Variants in G3BP1 observed in about 807,000 individuals in gnomAD.
The protein encoded by G3BP1 is ras GTPase-activating protein-binding protein 1.
A neutral mutation model predicts 58.6 loss-of-function variants in G3BP1; 35 were observed. The observed-to-expected ratio is 0.60, with a 90% confidence interval of 0.46 to 0.79. G3BP1 has a LOEUF of 0.79. Among genes scored for constraint, G3BP1 ranks in the 30% least tolerant of loss-of-function variants. The pLI is 0.00. For missense variants in G3BP1, 523 were observed against 580.8 expected (o/e 0.90, Z 1.02); for synonymous variants, 191 against 195.4 (o/e 0.98, Z 0.19).
chr5:151,788,570 A>ATGTGTG (rs201430384), intron 2 of G3BP1, among the ~76,000 whole-genome samples: 4,717 of 92,800 alleles, frequency 0.051, 145 homozygotes, highest in South Asian at 0.12. Flanking sequence ...AGCTAAGTTT[A>ATGTGTG]TATGTGTGTG....
Position 151,781,321 on chromosome 5 carries a change from T to C in G3BP1, c.-49-5251T>C, listed in dbSNP as rs192368202. ...AGTTATAACTGCATAAAATGAACTT[T>C]AGTATATACTGTACTATAATTTTTT... is the stretch of plus-strand genomic sequence containing the variant. On this transcript the variant is annotated intron_variant, in intron 1 of 11. Transcript: ENST00000356245. Among the ~76,000 whole-genome samples the C allele has an allele frequency of 1.7e-3, 263 of 152,372 alleles. 1 individual carries two copies. The highest frequency in any genetic ancestry group is 3.4e-3 in the Middle Eastern group (1 of 294).
At chr5:151,801,964 G>A (rs780543960) in intron 11 of G3BP1, among the ~76,000 whole-genome samples, 28 of 151,856 alleles carry the variant, frequency 1.8e-4, no homozygotes, top group Non-Finnish European at 3.4e-4. Flanking sequence ...ACAGGCACCC[G>A]CCACCATGCC....
At chr5:151,803,500 T>G (rs1480301220) in intron 11 of G3BP1, among the ~76,000 whole-genome samples, 3 of 151,298 alleles carry the variant, frequency 2.0e-5, no homozygotes, top group Non-Finnish European at 4.4e-5. Flanking sequence ...TGCTGGTTCT[T>G]TTTTTTTTCT....
Position 151,807,405 on chromosome 5 carries a change from C to T in G3BP1, c.*3314C>T, listed in dbSNP as rs1376048254. ...AGCATAGACCGCAATGAACTTCCTA[C>T]TGTAGGGAGACTTGAGTCTGGAATA... On this transcript the variant is annotated 3_prime_UTR_variant, in exon 12 of 12. Coordinates refer to ENST00000356245, the MANE Select transcript of G3BP1 (RefSeq NM_005754.3). 6.6e-6 allele frequency: 1 copy of T among 152,170 alleles called. No homozygotes were observed. Among genetic ancestry groups the T allele is most frequent in the Non-Finnish European group, 1.5e-5 (1 of 68,024 alleles). 9.4% of individuals were successfully genotyped at this position (152,170 alleles called of 1,614,324 possible).
intron 1 of G3BP1, among the ~76,000 whole-genome samples, chr5:151,774,802 TC>T (rs2113212382): frequency 6.6e-6 from 1 of 152,160 alleles, no homozygotes; most frequent in South Asian, 2.1e-4. Flanking sequence ...GTACTGCCCT[TC>T]CAGTACTCCA....
intron 8 of G3BP1, 91 bp from the exon 9 acceptor site, chr5:151,799,798 G>A (rs1762819018): frequency 2.8e-6 from 2 of 709,030 alleles, no homozygotes; most frequent in African/African-American, 1.8e-5. Flanking sequence ...TGTCCATTTT[G>A]TAGTTTAAAA....
rs1042429101 is a variant in G3BP1 at position 151,812,139 on chromosome 5, C to G, written c.*8048C>G. 6.6e-6 allele frequency: 1 copy of G among 152,182 alleles called. No individual in the cohort carries two copies. The highest frequency in any genetic ancestry group is 1.5e-5 in the Non-Finnish European group (1 of 68,026). 9.4% of individuals were successfully genotyped at this position (152,182 alleles called of 1,614,324 possible). A position where few individuals can be genotyped will look rare whatever the true frequency, so the allele number is the denominator to read the frequency against. On this transcript the variant is annotated 3_prime_UTR_variant, in exon 12 of 12. Transcript: ENST00000356245. ...CAGCTAAGCACATTTTCTACATCCC[C>G]AAAGTATTTGGAATCACAGCATTGT... is the stretch of plus-strand genomic sequence containing the variant.
rs1211577930 is a variant in G3BP1 at position 151,811,373 on chromosome 5, G to A, written c.*7282G>A. Reference sequence around the variant, plus strand: ...ATGAACAAATGAATTCTCATTTCTCGACATAAAGCCTTGTCTAAAGTGAGA... The same window carrying A: ...ATGAACAAATGAATTCTCATTTCTCAACATAAAGCCTTGTCTAAAGTGAGA... On this transcript the variant is annotated 3_prime_UTR_variant, in exon 12 of 12. Transcript: ENST00000356245. 2.0e-5 allele frequency: 3 copies of A among 152,202 alleles called. No individual in the cohort carries two copies. In the East Asian group the frequency reaches 5.8e-4, roughly 29 times the overall value. 9.4% of individuals were successfully genotyped at this position (152,202 alleles called of 1,614,324 possible).
intron 2 of G3BP1, among the ~76,000 whole-genome samples, chr5:151,788,816 T>C (rs920445798): frequency 5.9e-5 from 9 of 151,482 alleles, no homozygotes; most frequent in African/African-American, 1.9e-4. Context: ...TTGCTCTTGT[T>C]GACCAGGCTG....
chr5:151,778,722 A>G (rs1055762620), intron 1 of G3BP1, among the ~76,000 whole-genome samples: 9 of 148,114 alleles, frequency 6.1e-5, no homozygotes, highest in Admixed American at 4.0e-4. Flanking sequence ...GATTACAGGC[A>G]TGAGAGTACT....
intron 2 of G3BP1, chr5:151,787,136 G>A (rs1199876436): frequency 1.3e-5 from 2 of 152,972 alleles, no homozygotes; most frequent in South Asian, 2.1e-4. Context: ...TGGGATTACA[G>A]GCGTGAGCCA....
At chr5:151,773,282 G>T (rs1365014487) in intron 1 of G3BP1, among the ~76,000 whole-genome samples, 1 of 152,088 alleles carries the variant, frequency 6.6e-6, no homozygotes, top group Non-Finnish European at 1.5e-5. Context: ...AGCATCTGTG[G>T]GTTAAAATAC....
At chr5:151,794,526 A>G (rs965119352) in intron 5 of G3BP1, among the ~76,000 whole-genome samples, 4 of 152,204 alleles carry the variant, frequency 2.6e-5, no homozygotes, top group African/African-American at 9.6e-5. Flanking sequence ...ACATTTACCA[A>G]TAGGATGTCA....
chr5:151,798,047 T>G (rs535269753), intron 7 of G3BP1, among the ~76,000 whole-genome samples: 1 of 152,344 alleles, frequency 6.6e-6, no homozygotes, highest in African/African-American at 2.4e-5. Flanking sequence ...GTCATTTGTT[T>G]GTTCAATAAT....
intron 1 of G3BP1, among the ~76,000 whole-genome samples, chr5:151,774,768 G>C (rs1276805471): frequency 6.6e-6 from 1 of 151,350 alleles, no homozygotes; most frequent in Non-Finnish European, 1.5e-5. Flanking sequence ...TCAAAAGCAA[G>C]TGGGAAAAAT....
rs770384260 is a variant in G3BP1, at chr5:151,799,940, C to T, written c.895C>T (p.Arg299Trp). 17 of 1,613,372 alleles carry T rather than the reference C, an allele frequency of 1.1e-5. No homozygotes were observed. Among genetic ancestry groups the T allele is most frequent in the Admixed American group, 3.3e-5 (2 of 60,000 alleles). ...TCAGATTCCACCACAAAGACCTCAGCGGGATCAAAGAGTGCGAGAACAACG... is the reference window on the plus strand; with the variant it reads ...TCAGATTCCACCACAAAGACCTCAGTGGGATCAAAGAGTGCGAGAACAACG... Reference protein sequence around the residue: ...ESQIPPQRPQRDQRVREQRIN... With the variant: ...ESQIPPQRPQWDQRVREQRIN... Residue 299 changes from arginine to tryptophan, a missense_variant, in exon 9 of 12, where the codon CGG becomes TGG. Coordinates refer to ENST00000356245, the MANE Select transcript of G3BP1 (RefSeq NM_005754.3).
chr5:151,777,338 T>C (rs1301556106), intron 1 of G3BP1, among the ~76,000 whole-genome samples: 2 of 152,256 alleles, frequency 1.3e-5, no homozygotes, highest in Non-Finnish European at 1.5e-5. Flanking sequence ...TTGCTGTTTT[T>C]CCTTGGTGTT....
Position 151,804,227 on chromosome 5 carries a change from G to T in G3BP1, c.*136G>T. 2 of 561,346 alleles carry T rather than the reference G, an allele frequency of 3.6e-6. No individual in the cohort carries two copies. The highest frequency in any genetic ancestry group is 6.2e-6 in the Non-Finnish European group (2 of 323,158). The allele number at this position is 561,346 out of a possible 1,614,324, so 34.8% of individuals were successfully genotyped here. On this transcript the variant is annotated 3_prime_UTR_variant, in exon 12 of 12. Coordinates refer to ENST00000356245, the MANE Select transcript of G3BP1 (RefSeq NM_005754.3). ...AAGTTTGTATAATTTTACTTTTTTTGTGTGTTAATGGTGTGTGCTCCCTCT... is the reference window on the plus strand; with the variant it reads ...AAGTTTGTATAATTTTACTTTTTTTTTGTGTTAATGGTGTGTGCTCCCTCT...
At chr5:151,781,372 C>T (rs1379588083) in intron 1 of G3BP1, among the ~76,000 whole-genome samples, 2 of 152,254 alleles carry the variant, frequency 1.3e-5, no homozygotes, top group Non-Finnish European at 2.9e-5. Context: ...GTAAATATTG[C>T]AATGTGCTTG....
Sources: allele counts gnomAD v4.1 joint callset (sites outside exome capture counted in the v4.1 genomes callset), GRCh38; gene constraint gnomAD v4.1.1; transcripts MANE v1.5; gene names NCBI Gene and HGNC (gene_info 2026-07-23, HGNC 2026-07-21).